Variants in TBCD observed in about 807,000 individuals in gnomAD.
TBCD encodes the protein tubulin folding cofactor D.
Under a neutral mutation model 169.3 loss-of-function variants are expected in TBCD, and 105 were observed. The observed-to-expected ratio is 0.62, with a 90% CI of 0.53 to 0.73. The LOEUF (loss-of-function observed/expected upper bound fraction) is 0.73, where lower values mean the gene tolerates loss of function less well. TBCD is among the 30% of genes least tolerant of loss of function. The probability of loss-of-function intolerance (pLI) is 0.00; values close to 1 mark genes in which losing one functional copy is unlikely to be tolerated. For synonymous variants in TBCD, 700 were observed against 643.9 expected (o/e 1.09, Z -1.32); for missense variants, 1,444 against 1,600.1 (o/e 0.90, Z 1.66).
chr17:82,753,358 C>T (rs1004554845), intron 1 of TBCD, among the ~76,000 whole-genome samples: 2 of 151,012 alleles, frequency 1.3e-5, no homozygotes, highest in African/African-American at 4.9e-5. Context: ...GCCTCTCGTG[C>T]AGAACTGTTC....
intron 13 of TBCD, among the ~76,000 whole-genome samples, chr17:82,846,319 C>CCCTCT (rs1289886029): frequency 2.7e-5 from 2 of 74,772 alleles, no homozygotes; most frequent in Non-Finnish European, 6.4e-5. Flanking sequence ...CTGCGTCCAG[C>CCCTCT]GTGCCGTGTC....
chr17:82,845,509 CTCCGTCCTG>C (rs1428479369), intron 13 of TBCD, among the ~76,000 whole-genome samples: 1 of 132,654 alleles, frequency 7.5e-6, no homozygotes, highest in Non-Finnish European at 1.7e-5. Context: ...GCCCCTTCCT[CTCCGTCCTG>C]TCCAGCTCAG....
At chr17:82,919,910 C>T (rs2061313199) in intron 23 of TBCD, among the ~76,000 whole-genome samples, 1 of 152,190 alleles carries the variant, frequency 6.6e-6, no homozygotes, top group Non-Finnish European at 1.5e-5. Flanking sequence ...AGTTTAGTCC[C>T]TCAGGAGAAA....
chr17:82,844,473 C>T, intron 13 of TBCD, among the ~76,000 whole-genome samples: 1 of 152,022 alleles, frequency 6.6e-6, no homozygotes, highest in Admixed American at 6.5e-5. Context: ...CCCTGCCCCT[C>T]CCCACAGAGT....
chr17:82,775,354 G>T (rs1267483021), intron 6 of TBCD, among the ~76,000 whole-genome samples: 1 of 152,156 alleles, frequency 6.6e-6, no homozygotes, highest in Non-Finnish European at 1.5e-5. Flanking sequence ...GCTCTTACAG[G>T]TGCTTGGCCG....
At chr17:82,822,406 G>A (rs552033884) in intron 13 of TBCD, among the ~76,000 whole-genome samples, 5 of 152,320 alleles carry the variant, frequency 3.3e-5, no homozygotes, top group East Asian at 1.9e-4. Context: ...CTCCTGGGGC[G>A]ACATTTACGC....
chr17:82,923,155 G>A lies in TBCD; in HGVS notation c.2179-497G>A, dbSNP rs1165091502. 1.3e-5 allele frequency among the ~76,000 whole-genome samples: 2 copies of A among 152,202 alleles called. No homozygotes were observed. The highest frequency in any genetic ancestry group is 2.9e-5 in the Non-Finnish European group (2 of 68,036). The stretch of plus-strand genomic sequence containing the variant: ...CCGTTACTCTGGGTGCATAGTGTAT[G>A]CCTTTTTCTTCATAACTATTTCTGG... On this transcript the variant is annotated intron_variant, in intron 25 of 38. Coordinates refer to ENST00000355528, the MANE Select transcript of TBCD (RefSeq NM_005993.5). The surrounding 1 kb of genome is among the most constrained non-coding windows in gnomAD (Gnocchi z 4.6).
chr17:82,807,096 C>T (rs1472179373), intron 10 of TBCD, among the ~76,000 whole-genome samples: 2 of 152,250 alleles, frequency 1.3e-5, no homozygotes, highest in Non-Finnish European at 2.9e-5. Flanking sequence ...TGCCCACAGG[C>T]GAAGGCTTCA....
chr17:82,872,909 CCCGG>C (rs1311634322), intron 14 of TBCD, among the ~76,000 whole-genome samples: 46 of 118,606 alleles, frequency 3.9e-4, no homozygotes, highest in Non-Finnish European at 5.4e-5. Context: ...CTGAGCCAGG[CCCGG>C]CACCTCGTGG....
intron 13 of TBCD, among the ~76,000 whole-genome samples, chr17:82,847,356 G>GAAA (rs1041994030): frequency 5.0e-4 from 41 of 81,732 alleles, no homozygotes; most frequent in Admixed American, 5.5e-4. Context: ...CCATGTCAAA[G>GAAA]AAAAAAAAAA....
chr17:82,912,650 C>T (rs947220527), intron 23 of TBCD, among the ~76,000 whole-genome samples: 9 of 151,474 alleles, frequency 5.9e-5, no homozygotes, highest in Non-Finnish European at 1.3e-4. Context: ...TTGCTGAGGT[C>T]TGCGTGGTCT....
At chr17:82,795,362 G>A (rs1228705824) in intron 7 of TBCD, 1 of 168,256 alleles carries the variant, frequency 5.9e-6, no homozygotes, top group African/African-American at 2.4e-5. Flanking sequence ...CGGGGAACAC[G>A]GTAGCCTGTT....
At position 82,835,229 on chromosome 17, in the gene TBCD, G is replaced by T. The variant is rs2053866145; in HGVS notation, c.1318+20295G>T. On this transcript the variant is annotated intron_variant, in intron 13 of 38. Coordinates refer to ENST00000355528, the MANE Select transcript of TBCD (RefSeq NM_005993.5). This position sits in a 1 kb window ranked among gnomAD's most constrained non-coding sequence, Gnocchi z 4.5. ...AGCCGCCCCTTGAAAATAGAGCAACGTGTGTGGGAGCCTAGGAGGCAGCTG... is the reference window on the plus strand; with the variant it reads ...AGCCGCCCCTTGAAAATAGAGCAACTTGTGTGGGAGCCTAGGAGGCAGCTG... Among the ~76,000 whole-genome samples, 2 of 152,138 alleles carry T rather than the reference G, an allele frequency of 1.3e-5. No homozygotes were observed. Among genetic ancestry groups the T allele is most frequent in the Admixed American group, 6.6e-5 (1 of 15,266 alleles).
At chr17:82,906,117 C>A in intron 20 of TBCD, 64 bp downstream of exon 20, 2 of 1,247,128 alleles carry the variant, frequency 1.6e-6, no homozygotes, top group Non-Finnish European at 2.3e-6. Flanking sequence ...CATGTAATCA[C>A]AGTGCTCTCC....
At chr17:82,817,308 T>G (rs973931120) in intron 13 of TBCD, among the ~76,000 whole-genome samples, 16 of 151,962 alleles carry the variant, frequency 1.1e-4, no homozygotes, top group Non-Finnish European at 1.9e-4. Context: ...TTTTTTTTCT[T>G]TTTTTGAGAC....
intron 7 of TBCD, among the ~76,000 whole-genome samples, chr17:82,791,792 G>T (rs142267175): frequency 3.9e-5 from 6 of 152,192 alleles, no homozygotes; most frequent in Non-Finnish European, 7.3e-5. Flanking sequence ...GAACTGCGTC[G>T]TTGGGCAGTG....
intron 16 of TBCD, among the ~76,000 whole-genome samples, chr17:82,892,643 G>T (rs1306109124): frequency 6.6e-6 from 1 of 152,174 alleles, no homozygotes; most frequent in Non-Finnish European, 1.5e-5. Context: ...GTCAAGTGCA[G>T]GGTGGTGATG....
intron 20 of TBCD, 99 bp downstream of exon 20, chr17:82,906,152 T>C: frequency 2.1e-6 from 2 of 945,690 alleles, no homozygotes; most frequent in Admixed American, 4.5e-5. Flanking sequence ...TCATCCCTTC[T>C]CATTTTTGTT....
rs1429516562 is a variant in TBCD, at chr17:82,789,250, A to T, written c.771+7529A>T. On this transcript the variant is annotated intron_variant, in intron 7 of 38. Transcript: ENST00000355528. This position sits in a 1 kb window ranked among gnomAD's most constrained non-coding sequence, Gnocchi z 4.8. ...CAGCTCCTAACACTCATTTCCCATC[A>T]CTCAGCATTTTATGTGGGGCGGGCA... Among the ~76,000 whole-genome samples, 1 of 152,156 alleles carries T rather than the reference A, an allele frequency of 6.6e-6. No homozygotes were observed. Among genetic ancestry groups the T allele is most frequent in the Non-Finnish European group, 1.5e-5 (1 of 68,034 alleles).
Sources: gnomAD v4.1 joint callset for allele counts (sites outside exome capture counted in the v4.1 genomes callset) on GRCh38, gnomAD v4.1.1 for gene constraint, Gnocchi (gnomAD v3.1) non-coding constraint, MANE v1.5 for transcripts, NCBI Gene and HGNC (gene_info 2026-07-23, HGNC 2026-07-21) for gene names.